Variants in C2CD2L observed in about 807,000 individuals in gnomAD.
C2CD2L encodes phospholipid transfer protein C2CD2L.
A neutral mutation model predicts 69.9 loss-of-function variants in C2CD2L; 24 were observed. The ratio of observed to expected loss-of-function variants is 0.34; its 90% CI spans 0.25 to 0.48. C2CD2L has a LOEUF of 0.48. Among genes scored for constraint, C2CD2L ranks in the 20% least tolerant of loss-of-function variants. The probability of loss-of-function intolerance (pLI) is 0.99; values close to 1 mark genes in which losing one functional copy is unlikely to be tolerated. For missense variants in C2CD2L, 811 were observed against 941.5 expected (o/e 0.86, Z 1.81); for synonymous variants, 367 against 391.0 (o/e 0.94, Z 0.72).
chr11:119,112,648 G>C, intron 9 of C2CD2L, 39 bp downstream of exon 9: 1 of 1,607,126 alleles, frequency 6.2e-7, no homozygotes, highest in Non-Finnish European at 8.5e-7. Context: ...GAGGACACAG[G>C]GGATGGGCAG....
Position 119,107,847 on chromosome 11 carries a change from G to T in C2CD2L, c.106G>T (p.Gly36Cys). 1 of 1,544,828 alleles carries T rather than the reference G, an allele frequency of 6.5e-7. No homozygotes were observed. The highest frequency in any genetic ancestry group is 1.2e-5 in the South Asian group (1 of 83,802). ...CGCCTGGCTGCTGCAATATGCCCGG[G>T]GCTTGTGGCTGGCGCGGGCCCGCGG... ...VFAWLLQYAR[G>C]LWLARARGDR... is the part of the protein sequence containing the mutation. Residue 36 changes from glycine to cysteine, a missense_variant, in exon 1 of 14, where the codon GGC becomes TGC. Gly to Cys is a radical substitution (Grantham distance 159). Coordinates refer to ENST00000648610, the MANE Select transcript of C2CD2L (RefSeq NM_001290474.2). This position sits in a 1 kb window ranked among gnomAD's most constrained non-coding sequence, Gnocchi z 5.4.
At chr11:119,113,382 A>C (rs2134965062) in intron 10 of C2CD2L, 1 of 559,138 alleles carries the variant, frequency 1.8e-6, no homozygotes, top group East Asian at 3.0e-5. Flanking sequence ...ATATTTTCAT[A>C]GCATCTCCCC....
At chr11:119,104,148 G>A (rs1056199425), upstream of C2CD2L, among the ~76,000 whole-genome samples, 3 of 152,194 alleles carry the variant, frequency 2.0e-5, no homozygotes, top group Admixed American at 6.5e-5. Context: ...CACAGGCAGC[G>A]ACAGTGAGAC....
At position 119,107,664 on chromosome 11, in the gene C2CD2L, C is replaced by T. The variant is rs1946620872; in HGVS notation, c.-78C>T. The T allele has an allele frequency of 3.2e-6, 3 of 944,982 alleles. No individual in the cohort carries two copies. The highest frequency in any genetic ancestry group is 2.6e-5 in the South Asian group (1 of 38,762). 58.5% of individuals were successfully genotyped at this position (944,982 alleles called of 1,614,324 possible). On this transcript the variant is annotated 5_prime_UTR_variant, in exon 1 of 14. Coordinates refer to ENST00000648610, the MANE Select transcript of C2CD2L (RefSeq NM_001290474.2). This position sits in a 1 kb window ranked among gnomAD's most constrained non-coding sequence, Gnocchi z 5.4. ...GCCCCGGGGGAGCCCACCTCCTCCC[C>T]GCGGCCCGCCCGGGCCATGCTCCCC... is the stretch of plus-strand genomic sequence containing the variant.
rs1464907745 is a variant in C2CD2L at position 119,116,304 on chromosome 11, T to A, written c.*48T>A. On this transcript the variant is annotated 3_prime_UTR_variant, in exon 14 of 14. Coordinates refer to ENST00000648610, the MANE Select transcript of C2CD2L (RefSeq NM_001290474.2). ...GAGTTCTCTCAGCCCATTCCCCACC[T>A]CCCCTTCCATACCCCTTCCTGGATC... 2.8e-6 allele frequency: 4 copies of A among 1,414,426 alleles called. No homozygotes were observed. In the Admixed American group the frequency reaches 6.8e-5, roughly 24 times the overall value. 87.6% of individuals were successfully genotyped at this position (1,414,426 alleles called of 1,614,324 possible).
At chr11:119,111,700 G>A in intron 7 of C2CD2L, 71 bp downstream of exon 7, 3 of 1,023,928 alleles carry the variant, frequency 2.9e-6, no homozygotes, top group Non-Finnish European at 4.3e-6. Context: ...CACAGTCCTT[G>A]CAGGAATCAG....
In C2CD2L at chr11:119,111,335, C is replaced by G. The variant is rs762637334; in HGVS notation, c.871C>G (p.Arg291Gly). The change falls in exon 6 of 14, where the codon CGG becomes GGG. Residue 291 changes from arginine (R) to glycine (G), a missense_variant. Physicochemically the swap from Arg to Gly is moderately radical, Grantham distance 125 (BLOSUM62 -2). Transcript: ENST00000648610. ...AIPRPNRLFL[R>G]QLRASHLGNE... ...CCCCAGACCTAACCGGTTATTCCTA[C>G]GGCAGCTTCGGGCATCTCACTTGGG... 5.0e-6 allele frequency: 8 copies of G among 1,614,188 alleles called. No homozygotes were observed. Among genetic ancestry groups the G allele is most frequent in the Non-Finnish European group, 6.8e-6 (8 of 1,180,040 alleles).
chr11:119,104,464 CA>C (rs1304651739), upstream of C2CD2L, among the ~76,000 whole-genome samples: 1 of 152,156 alleles, frequency 6.6e-6, no homozygotes, highest in Non-Finnish European at 1.5e-5. Context: ...ATGTTACTAT[CA>C]GAAAATGGTT....
rs1231810254 is a variant in C2CD2L, at chr11:119,109,649, T to C, written c.355-455T>C. ...CAGCTCTTATCTTGAACAAGGTGGCTCTACCACCTTTACCGGGGCTTAGCC... is the reference window on the plus strand; with the variant it reads ...CAGCTCTTATCTTGAACAAGGTGGCCCTACCACCTTTACCGGGGCTTAGCC... On this transcript the variant is annotated intron_variant, in intron 1 of 13. Coordinates refer to ENST00000648610, the MANE Select transcript of C2CD2L (RefSeq NM_001290474.2). This position sits in a 1 kb window ranked among gnomAD's most constrained non-coding sequence, Gnocchi z 5.1. Among the ~76,000 whole-genome samples, 1 of 152,266 alleles carries C rather than the reference T, an allele frequency of 6.6e-6. No individual in the cohort carries two copies. Among genetic ancestry groups the C allele is most frequent in the African/African-American group, 2.4e-5 (1 of 41,472 alleles).
Position 119,114,603 on chromosome 11 carries a change from C to T in C2CD2L, c.1909+238C>T. 1 of 549,784 alleles carries T rather than the reference C, an allele frequency of 1.8e-6. No homozygotes were observed. Among genetic ancestry groups the T allele is most frequent in the South Asian group, 2.2e-5 (1 of 45,620 alleles). 34.1% of individuals were successfully genotyped at this position (549,784 alleles called of 1,614,324 possible). A position where few individuals can be genotyped will look rare whatever the true frequency, so the allele number is the denominator to read the frequency against. On this transcript the variant is annotated intron_variant, in intron 13 of 13. Coordinates refer to ENST00000648610, the MANE Select transcript of C2CD2L (RefSeq NM_001290474.2). This position sits in a 1 kb window ranked among gnomAD's most constrained non-coding sequence, Gnocchi z 5.1. The stretch of plus-strand genomic sequence containing the variant: ...TTTCCCTTTACCTCCATTGTTCTTT[C>T]TTCCTGAGTCTAAGTGCCATTTTTC...
chr11:119,108,564 G>T (rs947615475), intron 1 of C2CD2L, among the ~76,000 whole-genome samples: 1 of 152,204 alleles, frequency 6.6e-6, no homozygotes, highest in African/African-American at 2.4e-5. Context: ...CACTGCTACA[G>T]TCAAACACAT....
At position 119,110,619 on chromosome 11, in the gene C2CD2L, A is replaced by G; in HGVS notation, c.509A>G (p.Gln170Arg). The change falls in exon 3 of 14, where the codon CAG becomes CGG. Residue 170 changes from glutamine (Q) to arginine (R), a missense_variant. Gln to Arg is a conservative substitution (Grantham distance 43). Coordinates refer to ENST00000648610, the MANE Select transcript of C2CD2L (RefSeq NM_001290474.2). This position sits in a 1 kb window ranked among gnomAD's most constrained non-coding sequence, Gnocchi z 5.7. The part of the protein sequence containing the change: ...EVRFPVSVTQ[Q>R]SPAAVSMETY... The stretch of plus-strand genomic sequence containing the variant: ...CGGTTCCCAGTCTCTGTGACCCAGC[A>G]GTCCCCCGCTGCCGTCTCCATGGAG... The G allele has an allele frequency of 6.2e-7, 1 of 1,612,772 alleles. No homozygotes were observed.
chr11:119,114,444 G>GC lies in C2CD2L; in HGVS notation c.1909+81dup. On this transcript the variant is annotated intron_variant, in intron 13 of 13. Transcript: ENST00000648610. This position sits in a 1 kb window ranked among gnomAD's most constrained non-coding sequence, Gnocchi z 5.1. ...GACCTGGGGGACCTCGAGCCAGTGTGCCTTCTCCTTCCTCCCCTAAGAGAT... is the reference window on the plus strand; with the variant it reads ...GACCTGGGGGACCTCGAGCCAGTGTGCCCTTCTCCTTCCTCCCCTAAGAGAT... The GC allele has an allele frequency of 7.2e-7, 1 of 1,387,462 alleles. No individual in the cohort carries two copies. Among genetic ancestry groups the GC allele is most frequent in the African/African-American group, 1.4e-5 (1 of 70,878 alleles). 85.9% of individuals were successfully genotyped at this position (1,387,462 alleles called of 1,614,324 possible).
chr11:119,113,167 G>T, intron 10 of C2CD2L: 1 of 493,814 alleles, frequency 2.0e-6, no homozygotes. Context: ...GCTTTTCACA[G>T]GTGTCCTTAG....
chr11:119,110,008 C>A lies in C2CD2L; in HGVS notation c.355-96C>A. 3.5e-6 allele frequency: 3 copies of A among 869,054 alleles called. No homozygotes were observed. Among genetic ancestry groups the A allele is most frequent in the South Asian group, 1.4e-5 (1 of 71,928 alleles). 53.8% of individuals were successfully genotyped at this position (869,054 alleles called of 1,614,324 possible). On this transcript the variant is annotated intron_variant, in intron 1 of 13. Transcript: ENST00000648610. This position sits in a 1 kb window ranked among gnomAD's most constrained non-coding sequence, Gnocchi z 5.7. ...GCCAGAAGCCAGCCTGCAGCTGAGGCCTCCGCAGTGGCAGAGTCCAGCCAG... is the reference window on the plus strand; with the variant it reads ...GCCAGAAGCCAGCCTGCAGCTGAGGACTCCGCAGTGGCAGAGTCCAGCCAG...
rs754308473 is a variant in C2CD2L at position 119,108,036 on chromosome 11, C to T, written c.295C>T (p.Arg99Trp). 1.3e-6 allele frequency: 2 copies of T among 1,599,808 alleles called. No individual in the cohort carries two copies. The highest frequency in any genetic ancestry group is 2.2e-5 in the South Asian group (2 of 90,628). Reference protein sequence around the residue: ...LASLFAFKSFRENWQRAWVRA... With the variant: ...LASLFAFKSFWENWQRAWVRA... ...GTCACTCTTCGCCTTCAAGTCTTTC[C>T]GGGAGAACTGGCAGCGGGCTTGGGT... The change falls in exon 1 of 14, where the codon CGG becomes TGG. Residue 99 changes from arginine to tryptophan, a missense_variant. By Grantham distance (101) the Arg-to-Trp change is moderately radical. Transcript: ENST00000648610.
Position 119,112,405 on chromosome 11 carries a change from T to A in C2CD2L, c.1084+13T>A. 6.2e-7 allele frequency: 1 copy of A among 1,613,372 alleles called. No homozygotes were observed. ...AGCTGTGGAGACAGTAAGTGAGGGG[T>A]GGGAGGGGCACCCCTGGGTGGGTAC... On this transcript the variant is annotated intron_variant, in intron 8 of 13. Coordinates refer to ENST00000648610, the MANE Select transcript of C2CD2L (RefSeq NM_001290474.2).
intron 10 of C2CD2L, 142 bp downstream of exon 10, chr11:119,113,016 C>T (rs1946791924): frequency 1.4e-6 from 1 of 689,772 alleles, no homozygotes; most frequent in Non-Finnish European, 2.4e-6. Flanking sequence ...CCACATCTTC[C>T]TCCCAATCTT....
intron 6 of C2CD2L, 68 bp from the exon 7 acceptor site, chr11:119,111,453 A>G (rs548284461): frequency 3.1e-6 from 5 of 1,595,042 alleles, no homozygotes; most frequent in Non-Finnish European, 4.3e-6. Flanking sequence ...CCAAGGGTAC[A>G]GCCTCTTTAT....
Sources: allele counts gnomAD v4.1 joint callset (sites outside exome capture counted in the v4.1 genomes callset), GRCh38; gene constraint gnomAD v4.1.1; non-coding constraint Gnocchi (gnomAD v3.1); transcripts MANE v1.5; gene names NCBI Gene and HGNC (gene_info 2026-07-23, HGNC 2026-07-21).